The following ACO1 variants were observed in gnomAD, a reference collection of about 807,000 sequenced individuals.
ACO1 encodes aconitase 1.
In ACO1, 78 loss-of-function variants were observed where a neutral mutation model predicts 105.1. The observed-to-expected ratio is 0.74, with a 90% confidence interval of 0.62 to 0.90. ACO1 has a LOEUF of 0.90. Ranked by LOEUF, ACO1 falls within the 40% of genes least tolerant of loss-of-function variation. The probability of loss-of-function intolerance (pLI) is 0.00; values close to 1 mark genes in which losing one functional copy is unlikely to be tolerated. For missense variants in ACO1, 965 were observed against 1,111.1 expected, an observed-to-expected ratio of 0.87 and a Z score of 1.87; for synonymous variants, 364 against 397.4, an observed-to-expected ratio of 0.92 and a Z score of 1.00.
Position 32,427,332 on chromosome 9 carries a change from C to A in ACO1, c.1380C>A (p.Gly460=), listed in dbSNP as rs1293780751. The change falls in exon 12 of 21, where the codon GGC becomes GGA. Residue 460 remains glycine (G), a synonymous_variant. Coordinates refer to ENST00000309951, the MANE Select transcript of ACO1 (RefSeq NM_002197.3). The part of the protein sequence containing the change: ...GLLAKKAVDA[G]LNVMPYIKTS... ...TAGCAAAGAAAGCTGTGGATGCTGG[C>A]CTGAACGTGATGCCTTACATCAAAA... 1 of 1,614,158 alleles carries A rather than the reference C, an allele frequency of 6.2e-7. No individual in the cohort carries two copies. Among genetic ancestry groups the A allele is most frequent in the Non-Finnish European group, 8.5e-7 (1 of 1,180,016 alleles).
At chr9:32,429,621 A>G in intron 13 of ACO1, 118 bp downstream of exon 13, 1 of 873,820 alleles carries the variant, frequency 1.1e-6, no homozygotes, top group Non-Finnish European at 1.8e-6. Flanking sequence ...TTAGAGTATG[A>G]TCTTTTGAGT....
intron 12 of ACO1, among the ~76,000 whole-genome samples, chr9:32,428,971 T>C (rs1822164744): frequency 6.6e-6 from 1 of 152,226 alleles, no homozygotes; most frequent in African/African-American, 2.4e-5. Flanking sequence ...ATATACCACA[T>C]ATACATTTGG....
chr9:32,386,080 T>A (rs1001955113), intron 1 of ACO1, among the ~76,000 whole-genome samples: 2 of 152,226 alleles, frequency 1.3e-5, no homozygotes, highest in Non-Finnish European at 2.9e-5. Flanking sequence ...TGCCTTTGGT[T>A]GTCTCTGTGC....
chr9:32,416,097 C>CTTT (rs11421318), intron 4 of ACO1, among the ~76,000 whole-genome samples: 15 of 137,884 alleles, frequency 1.1e-4, no homozygotes, highest in South Asian at 6.9e-4. Context: ...AATATGTTTT[C>CTTT]TTTTTTTTTT....
chr9:32,443,887 GGT>G (rs1822536509), intron 19 of ACO1, among the ~76,000 whole-genome samples: 1 of 152,064 alleles, frequency 6.6e-6, no homozygotes, highest in Non-Finnish European at 1.5e-5. Flanking sequence ...AGAATGTGCA[GGT>G]ATACATGTGC....
chr9:32,430,296 C>G, intron 13 of ACO1, 122 bp from the exon 14 acceptor site: 2 of 983,630 alleles, frequency 2.0e-6, no homozygotes, highest in South Asian at 1.9e-5. Flanking sequence ...TGGGAGAGAA[C>G]CAAGTGAAAG....
intron 1 of ACO1, among the ~76,000 whole-genome samples, chr9:32,397,593 CATG>C (rs1274958780): frequency 6.6e-6 from 1 of 152,164 alleles, no homozygotes; most frequent in Non-Finnish European, 1.5e-5. Context: ...TTATAAGTAG[CATG>C]ATGTTTAGAT....
At chr9:32,394,783 A>T (rs7873763) in intron 1 of ACO1, among the ~76,000 whole-genome samples, 65,664 of 151,864 alleles carry the variant, frequency 0.43, 14,681 homozygotes, top group Non-Finnish European at 0.5. Context: ...TGCCTTTCTT[A>T]GGTAAAATCA....
intron 2 of ACO1, among the ~76,000 whole-genome samples, chr9:32,406,933 G>A (rs986158603): frequency 1.4e-4 from 22 of 152,148 alleles, no homozygotes; most frequent in African/African-American, 4.6e-4. Context: ...ACAGGCACAC[G>A]CCACAATGCC....
intron 1 of ACO1, among the ~76,000 whole-genome samples, chr9:32,385,601 TGAGAA>T (rs140230549): frequency 1.3e-3 from 200 of 152,352 alleles, no homozygotes; most frequent in African/African-American, 4.4e-3. Flanking sequence ...AGAAAATGAT[TGAGAA>T]GAGTGGCATT....
At chr9:32,414,479 T>G (rs1816436960) in intron 4 of ACO1, among the ~76,000 whole-genome samples, 1 of 152,380 alleles carries the variant, frequency 6.6e-6, no homozygotes, top group Middle Eastern at 3.4e-3. Context: ...GATGTTTTGT[T>G]TTCCTGAGTA....
At chr9:32,391,374 G>C (rs1472141853) in intron 1 of ACO1, among the ~76,000 whole-genome samples, 1 of 152,230 alleles carries the variant, frequency 6.6e-6, no homozygotes, top group Non-Finnish European at 1.5e-5. Flanking sequence ...GCATGTCTTT[G>C]GGAGACGGAA....
rs192876250 is a variant in ACO1, at chr9:32,405,205, G to A, written c.-22-280G>A. ...ACCGGTACCTGTGGCGTGTCCTGTC[G>A]CCTCCTGCACTAGCAATCCAGGAAG... On this transcript the variant is annotated intron_variant, in intron 1 of 20. Coordinates refer to ENST00000309951, the MANE Select transcript of ACO1 (RefSeq NM_002197.3). 1.1e-4 allele frequency among the ~76,000 whole-genome samples: 16 copies of A among 152,274 alleles called. No homozygotes were observed. In the East Asian group the frequency reaches 1.7e-3, roughly 17 times the overall value.
intron 1 of ACO1, among the ~76,000 whole-genome samples, chr9:32,402,050 CA>C (rs1821507220): frequency 1.3e-5 from 2 of 152,196 alleles, no homozygotes; most frequent in African/African-American, 4.8e-5. Context: ...AAGAACTGTT[CA>C]TCTGTCTTCC....
At chr9:32,441,646 G>T (rs1822482710) in intron 19 of ACO1, among the ~76,000 whole-genome samples, 1 of 152,186 alleles carries the variant, frequency 6.6e-6, no homozygotes, top group African/African-American at 2.4e-5. Context: ...AGGATTTTAG[G>T]AAGGGGGTTG....
chr9:32,395,103 G>A (rs1821345322), intron 1 of ACO1, among the ~76,000 whole-genome samples: 2 of 152,170 alleles, frequency 1.3e-5, no homozygotes, highest in Admixed American at 1.3e-4. Context: ...CTTAAAGATT[G>A]GATCTCAACT....
intron 1 of ACO1, among the ~76,000 whole-genome samples, chr9:32,388,480 G>A (rs2118319153): frequency 6.6e-6 from 1 of 152,172 alleles, no homozygotes; most frequent in East Asian, 1.9e-4. Context: ...AGTGAGCCAT[G>A]ATTGCATCAC....
At chr9:32,396,281 A>C (rs1156398466) in intron 1 of ACO1, among the ~76,000 whole-genome samples, 7 of 152,230 alleles carry the variant, frequency 4.6e-5, no homozygotes, top group Admixed American at 4.6e-4. Flanking sequence ...AAGGCTTTGT[A>C]GTTTGTCTTT....
At chr9:32,392,334 C>T (rs1321501408) in intron 1 of ACO1, among the ~76,000 whole-genome samples, 1 of 152,168 alleles carries the variant, frequency 6.6e-6, no homozygotes, top group African/African-American at 2.4e-5. Flanking sequence ...CCGTCAGATC[C>T]TGTCTTCTCT....
Sources: allele counts gnomAD v4.1 joint callset (sites outside exome capture counted in the v4.1 genomes callset), GRCh38; gene constraint gnomAD v4.1.1; transcripts MANE v1.5; gene names NCBI Gene and HGNC (gene_info 2026-07-23, HGNC 2026-07-21).